P2RY8: variants seen among roughly 807,000 people sequenced by gnomAD.
P2RY8 encodes S-geranylgeranyl-glutathione receptor P2RY8.
In P2RY8, 6 loss-of-function variants were observed where a neutral mutation model predicts 10.0. The ratio of observed to expected loss-of-function variants is 0.60; its 90% CI spans 0.33 to 1.19. The LOEUF (loss-of-function observed/expected upper bound fraction) is 1.19. P2RY8 is among the 50% of genes most tolerant of loss of function. The pLI is 0.04. For missense variants in P2RY8, 456 were observed against 542.0 expected (o/e 0.84, Z 1.58); for synonymous variants, 276 against 252.5 (o/e 1.09, Z -0.88).
In P2RY8 at chrX:1,465,836, C is replaced by T. The variant is rs1315661458; in HGVS notation, c.723G>A (p.Val241=). Residue 241 remains valine (V), a synonymous_variant, in exon 2 of 2, where the codon GTG becomes GTA. Transcript: ENST00000381297. ...AGCAGGTGACAAAGGCCAGCAAGAC[C>T]ACCGCGGCCAGGCCCACCGCGCGCC... The part of the protein sequence containing the change: ...QRRRAVGLAA[V]VLLAFVTCFA... 3.1e-6 allele frequency: 5 copies of T among 1,612,896 alleles called. No homozygotes were observed. The Admixed American group carries it at 5.0e-5, about 16-fold the overall frequency.
At chrX:1,536,548 C>T (rs1266103989) in intron 1 of P2RY8, among the ~76,000 whole-genome samples, 2 of 151,898 alleles carry the variant, frequency 1.3e-5, no homozygotes, top group Admixed American at 6.6e-5. Flanking sequence ...AGGCACCTGC[C>T]ACCACGCCTG....
chrX:1,471,597 G>A (rs1405252394), intron 1 of P2RY8, among the ~76,000 whole-genome samples: 5 of 151,848 alleles, frequency 3.3e-5, no homozygotes, highest in South Asian at 2.1e-4. Context: ...GTGAGCCACC[G>A]CGCCTGGCGT....
At chrX:1,486,082 G>A (rs1373429519) in intron 1 of P2RY8, among the ~76,000 whole-genome samples, 4 of 152,152 alleles carry the variant, frequency 2.6e-5, no homozygotes, top group Admixed American at 6.5e-5. Context: ...TCTGGGAGTG[G>A]TGGCAGGCAC....
chrX:1,492,785 C>G (rs1431596325), intron 1 of P2RY8, among the ~76,000 whole-genome samples: 6 of 152,028 alleles, frequency 3.9e-5, no homozygotes, highest in Non-Finnish European at 7.4e-5. Flanking sequence ...GCCCACGGAG[C>G]CCAGGCCACC....
intron 1 of P2RY8, among the ~76,000 whole-genome samples, chrX:1,528,839 G>A (rs2092456177): frequency 6.6e-6 from 1 of 152,158 alleles, no homozygotes; most frequent in Non-Finnish European, 1.5e-5. Context: ...AATGAGTGTG[G>A]ATTTGAGTCT....
chrX:1,465,806 G>A lies in P2RY8; in HGVS notation c.753C>T (p.Ala251=), dbSNP rs1453234725. ...VVLLAFVTCF[A]PNNFVLLAHI... Reference sequence around the variant, plus strand: ...GCGCCAGGAGCACGAAGTTGTTGGGGGCGAAGCAGGTGACAAAGGCCAGCA... The same window carrying A: ...GCGCCAGGAGCACGAAGTTGTTGGGAGCGAAGCAGGTGACAAAGGCCAGCA... The change falls in exon 2 of 2, where the codon GCC becomes GCT. Residue 251 remains alanine, a synonymous_variant. Coordinates refer to ENST00000381297, the MANE Select transcript of P2RY8 (RefSeq NM_178129.5). The A allele has an allele frequency of 3.7e-6, 6 of 1,613,270 alleles. No individual in the cohort carries two copies. The highest frequency in any genetic ancestry group is 5.1e-6 in the Non-Finnish European group (6 of 1,179,834).
At chrX:1,532,096 G>C (rs1395190304) in intron 1 of P2RY8, among the ~76,000 whole-genome samples, 1 of 150,778 alleles carries the variant, frequency 6.6e-6, no homozygotes, top group Non-Finnish European at 1.5e-5. Flanking sequence ...ATATGAAAAA[G>C]ATACTTAGAG....
intron 1 of P2RY8, among the ~76,000 whole-genome samples, chrX:1,519,432 A>T (rs564123123): frequency 6.7e-6 from 1 of 148,990 alleles, no homozygotes; most frequent in East Asian, 2.0e-4. Flanking sequence ...ATTCTCTCTG[A>T]TCTCCAATAA....
At chrX:1,494,983 GC>G (rs1387974729) in intron 1 of P2RY8, among the ~76,000 whole-genome samples, 2 of 131,772 alleles carry the variant, frequency 1.5e-5, no homozygotes, top group Non-Finnish European at 3.5e-5. Context: ...CTCCCAAAGT[GC>G]TGGGATTACG....
At chrX:1,508,210 C>T (rs1194178229) in intron 1 of P2RY8, among the ~76,000 whole-genome samples, 1 of 152,302 alleles carries the variant, frequency 6.6e-6, no homozygotes, top group African/African-American at 2.4e-5. Context: ...GAGCTGCAGG[C>T]AGTCAGCTGG....
chrX:1,531,262 C>T (rs1451294144), intron 1 of P2RY8, among the ~76,000 whole-genome samples: 1 of 152,114 alleles, frequency 6.6e-6, no homozygotes, highest in Non-Finnish European at 1.5e-5. Flanking sequence ...ACCCTACAAT[C>T]CCCAGGATGG....
chrX:1,490,923 G>T (rs187309379), intron 1 of P2RY8, among the ~76,000 whole-genome samples: 2 of 143,240 alleles, frequency 1.4e-5, no homozygotes, highest in Admixed American at 7.1e-5. Flanking sequence ...TGGGGGGAAT[G>T]AATGAATGAA....
chrX:1,527,558 A>G (rs1182299590), intron 1 of P2RY8, among the ~76,000 whole-genome samples: 4 of 150,190 alleles, frequency 2.7e-5, no homozygotes, highest in African/African-American at 9.8e-5. Flanking sequence ...TATTCATTCA[A>G]TCATTTATTC....
chrX:1,521,250 A>G (rs1473064098), intron 1 of P2RY8, among the ~76,000 whole-genome samples: 2 of 151,688 alleles, frequency 1.3e-5, no homozygotes, highest in Non-Finnish European at 2.9e-5. Context: ...GTTTCACTAT[A>G]TTGGCCAGGA....
At chrX:1,532,104 G>C (rs1195407905) in intron 1 of P2RY8, among the ~76,000 whole-genome samples, 2 of 151,090 alleles carry the variant, frequency 1.3e-5, no homozygotes, top group Non-Finnish European at 2.9e-5. Flanking sequence ...AAGATACTTA[G>C]AGGAAAGTAA....
intron 1 of P2RY8, among the ~76,000 whole-genome samples, chrX:1,472,083 C>T (rs28453181): frequency 0.031 from 4,743 of 152,164 alleles, 253 homozygotes; most frequent in African/African-American, 0.11. Context: ...ACAAAACAGA[C>T]GCTGGCTTCA....
chrX:1,464,355 A>C lies in P2RY8; in HGVS notation c.*1124T>G. 1 of 233,630 alleles carries C rather than the reference A, an allele frequency of 4.3e-6. No individual in the cohort carries two copies. Among genetic ancestry groups the C allele is most frequent in the East Asian group, 6.0e-5 (1 of 16,596 alleles). 14.5% of individuals were successfully genotyped at this position (233,630 alleles called of 1,614,324 possible). A position where few individuals can be genotyped will look rare whatever the true frequency, so the allele number is the denominator to read the frequency against. On this transcript the variant is annotated 3_prime_UTR_variant, in exon 2 of 2. Coordinates refer to ENST00000381297, the MANE Select transcript of P2RY8 (RefSeq NM_178129.5). ...AAGACCCAGCCTGCTCACCACCCAC[A>C]CAGCAGGGAGGGGGCTCAGCGGCTG...
chrX:1,466,661 G>A (rs1290410944), intron 1 of P2RY8, 79 bp from the exon 2 acceptor site: 19 of 1,372,208 alleles, frequency 1.4e-5, no homozygotes, highest in Non-Finnish European at 1.4e-5. Flanking sequence ...CCTGAGCGCC[G>A]CTCCCCGGGG....
At chrX:1,507,161 G>GC (rs1285073396) in intron 1 of P2RY8, among the ~76,000 whole-genome samples, 4 of 151,880 alleles carry the variant, frequency 2.6e-5, no homozygotes, top group Non-Finnish European at 5.9e-5. Context: ...GTTTCCAAAA[G>GC]CCTCCCGAAG....
Sources: gnomAD v4.1 joint callset for allele counts (sites outside exome capture counted in the v4.1 genomes callset) on GRCh38, gnomAD v4.1.1 for gene constraint, MANE v1.5 for transcripts, NCBI Gene and HGNC (gene_info 2026-07-23, HGNC 2026-07-21) for gene names.